DISC1: variants seen among roughly 807,000 people sequenced by gnomAD.
DISC1 encodes disrupted in schizophrenia 1 protein.
Under a neutral mutation model 84.5 loss-of-function variants are expected in DISC1, and 57 were observed. That is an observed-to-expected ratio of 0.67 (90% CI 0.55 to 0.84). DISC1 has a LOEUF of 0.84. Among genes scored for constraint, DISC1 ranks in the 40% least tolerant of loss-of-function variants. DISC1 has a pLI of 0.00. For missense variants in DISC1, 1,000 were observed against 1,057.8 expected (o/e 0.95, Z 0.76); for synonymous variants, 411 against 415.2 (o/e 0.99, Z 0.12).
intron 9 of DISC1, among the ~76,000 whole-genome samples, chr1:231,950,911 GAC>G (rs1658251528): frequency 6.6e-6 from 1 of 152,172 alleles, no homozygotes; most frequent in African/African-American, 2.4e-5. Flanking sequence ...TATCAAGACA[GAC>G]AGGTCTTTGA....
At chr1:231,743,812 CT>C (rs1558465079) in intron 3 of DISC1, among the ~76,000 whole-genome samples, 1 of 152,170 alleles carries the variant, frequency 6.6e-6, no homozygotes, top group Non-Finnish European at 1.5e-5. Flanking sequence ...TTGGTAAATG[CT>C]TAGTTTCCGG....
intron 3 of DISC1, among the ~76,000 whole-genome samples, chr1:231,724,462 A>G (rs1035168633): frequency 7.9e-5 from 12 of 152,160 alleles, no homozygotes; most frequent in African/African-American, 2.9e-4. Flanking sequence ...CCAAACTTCA[A>G]GGTGATTGTC....
chr1:231,659,726 A>T (rs2061419745), intron 1 of DISC1, among the ~76,000 whole-genome samples: 1 of 152,038 alleles, frequency 6.6e-6, no homozygotes, highest in Admixed American at 6.6e-5. Context: ...CCTTAATTTC[A>T]TTATTTACCC....
chr1:232,017,575 T>G (rs1016837052), intron 11 of DISC1, among the ~76,000 whole-genome samples: 7 of 151,714 alleles, frequency 4.6e-5, no homozygotes, highest in Admixed American at 4.6e-4. Context: ...TGTGGATAGG[T>G]ATTGCTGATG....
At chr1:231,693,704 A>G in intron 1 of DISC1, 122 bp from the exon 2 acceptor site, 2 of 1,475,666 alleles carry the variant, frequency 1.4e-6, no homozygotes, top group Admixed American at 3.6e-5. Context: ...CTGAGCCAGC[A>G]TCTATCTTTG....
intron 9 of DISC1, among the ~76,000 whole-genome samples, chr1:231,916,109 G>A (rs917701752): frequency 2.6e-5 from 4 of 152,186 alleles, no homozygotes; most frequent in African/African-American, 9.7e-5. Context: ...CTTTAAGAAA[G>A]TTGAGGTGAG....
At chr1:231,924,220 G>A (rs898264961) in intron 9 of DISC1, among the ~76,000 whole-genome samples, 1 of 152,212 alleles carries the variant, frequency 6.6e-6, no homozygotes. Context: ...ACAGGGTAAA[G>A]CCTGCCTCCT....
intron 1 of DISC1, among the ~76,000 whole-genome samples, chr1:231,674,431 G>A (rs1197433915): frequency 6.6e-6 from 1 of 152,228 alleles, no homozygotes; most frequent in African/African-American, 2.4e-5. Flanking sequence ...GCTATCAATT[G>A]TAGAAAGTAG....
At chr1:231,696,358 C>A (rs963466828) in intron 2 of DISC1, among the ~76,000 whole-genome samples, 1 of 152,138 alleles carries the variant, frequency 6.6e-6, no homozygotes, top group African/African-American at 2.4e-5. Flanking sequence ...TAGCAAGTAC[C>A]CAGAAATTAA....
At chr1:231,743,288 A>T (rs2073554569) in intron 3 of DISC1, among the ~76,000 whole-genome samples, 1 of 152,218 alleles carries the variant, frequency 6.6e-6, no homozygotes, top group South Asian at 2.1e-4. Context: ...ATCTCAGTTA[A>T]TCCTCAGAAG....
chr1:231,968,121 A>G (rs1260670396), intron 10 of DISC1, among the ~76,000 whole-genome samples: 5 of 152,204 alleles, frequency 3.3e-5, no homozygotes, highest in African/African-American at 7.2e-5. Context: ...TTTCCATTCT[A>G]TAAGAACCCA....
At chr1:231,697,525 G>A (rs1018778674) in intron 2 of DISC1, among the ~76,000 whole-genome samples, 2 of 151,778 alleles carry the variant, frequency 1.3e-5, no homozygotes, top group Non-Finnish European at 2.9e-5. Flanking sequence ...CTGCAACCTT[G>A]AACTCCTGGG....
At chr1:231,714,210 A>G (rs1394716817) in intron 3 of DISC1, among the ~76,000 whole-genome samples, 1 of 152,222 alleles carries the variant, frequency 6.6e-6, no homozygotes, top group Non-Finnish European at 1.5e-5. Flanking sequence ...TTTACATTAA[A>G]ACATGTAAAA....
intron 1 of DISC1, among the ~76,000 whole-genome samples, chr1:231,679,510 A>G (rs945213005): frequency 5.3e-5 from 8 of 152,260 alleles, no homozygotes; most frequent in Non-Finnish European, 8.8e-5. Context: ...GGCACTTAAT[A>G]AAAATGTTTA....
intron 3 of DISC1, among the ~76,000 whole-genome samples, chr1:231,749,166 A>G (rs2074330264): frequency 6.6e-6 from 1 of 152,160 alleles, no homozygotes; most frequent in Non-Finnish European, 1.5e-5. Context: ...ACCGTACTCC[A>G]GCACCCTCCC....
intron 12 of DISC1, among the ~76,000 whole-genome samples, chr1:232,034,142 T>C (rs1312513738): frequency 6.6e-6 from 1 of 152,160 alleles, no homozygotes; most frequent in Non-Finnish European, 1.5e-5. Flanking sequence ...TAATTATTAT[T>C]TTGATGATTA....
chr1:231,934,233 G>T (rs1426694794), intron 9 of DISC1, among the ~76,000 whole-genome samples: 1 of 152,186 alleles, frequency 6.6e-6, no homozygotes. Flanking sequence ...ATCTCTGTCT[G>T]CATCTCCTTC....
chr1:231,713,711 T>TATATATATATATAGGAGATATATAC (rs2068206033), intron 3 of DISC1, among the ~76,000 whole-genome samples: 2 of 144,384 alleles, frequency 1.4e-5, no homozygotes, highest in African/African-American at 2.5e-5. Context: ...GAGATATATA[T>TATATATATATATAGGAGATATATAC]ATATATATAT....
At chr1:231,693,801 GTGC>G in intron 1 of DISC1, 22 bp from the exon 2 acceptor site, 1 of 1,612,284 alleles carries the variant, frequency 6.2e-7, no homozygotes. Flanking sequence ...CATGTTTATG[GTGC>G]TGTTTTTTCT....
Sources: allele counts gnomAD v4.1 joint callset (sites outside exome capture counted in the v4.1 genomes callset), GRCh38; gene constraint gnomAD v4.1.1; transcripts MANE v1.5; gene names NCBI Gene and HGNC (gene_info 2026-07-23, HGNC 2026-07-21).